The following NCOA3 variants were observed in gnomAD, a reference collection of about 807,000 sequenced individuals.
The protein encoded by NCOA3 is nuclear receptor coactivator 3.
In NCOA3, 51 loss-of-function variants were observed where a neutral mutation model predicts 158.8. The observed-to-expected ratio is 0.32, with a 90% confidence interval of 0.26 to 0.41. The LOEUF (loss-of-function observed/expected upper bound fraction) is 0.41. Ranked by LOEUF, NCOA3 falls within the 10% of genes least tolerant of loss-of-function variation. NCOA3 has a pLI of 1.00. For missense variants in NCOA3, 1,510 were observed against 1,746.6 expected (o/e 0.86, Z 2.41); for synonymous variants, 537 against 592.4 (o/e 0.91, Z 1.36).
intron 1 of NCOA3, among the ~76,000 whole-genome samples, chr20:47,517,753 T>TAGAGGATTTTTAAAGC (rs2084259841): frequency 6.6e-6 from 1 of 152,086 alleles, no homozygotes; most frequent in Admixed American, 6.6e-5. Flanking sequence ...GCCTGGCCAA[T>TAGAGGATTTTTAAAGC]TACATTTATT....
chr20:47,557,061 G>C (rs1207524947), intron 1 of NCOA3, among the ~76,000 whole-genome samples: 1 of 152,130 alleles, frequency 6.6e-6, no homozygotes, highest in East Asian at 1.9e-4. Flanking sequence ...GCTATTTGCT[G>C]TTAAAACAGT....
intron 8 of NCOA3, 32 bp downstream of exon 8, chr20:47,628,055 CTG>C: frequency 1.4e-6 from 2 of 1,400,648 alleles, no homozygotes; most frequent in Non-Finnish European, 1.0e-6. Flanking sequence ...CTCTCTCTCT[CTG>C]TGTATACGTA....
intron 1 of NCOA3, among the ~76,000 whole-genome samples, chr20:47,573,980 G>T (rs2085335756): frequency 1.3e-5 from 2 of 150,538 alleles, no homozygotes. Flanking sequence ...CAAGGGGTCA[G>T]TTTGTTTGAA....
intron 2 of NCOA3, among the ~76,000 whole-genome samples, chr20:47,585,822 A>G (rs951955265): frequency 4.6e-5 from 7 of 152,066 alleles, no homozygotes; most frequent in African/African-American, 1.7e-4. Context: ...CTGAGAATCT[A>G]TCCAAGTTAC....
intron 4 of NCOA3, 97 bp from the exon 5 acceptor site, chr20:47,625,284 C>T (rs2086303970): frequency 2.7e-6 from 2 of 741,710 alleles, no homozygotes; most frequent in Non-Finnish European, 4.7e-6. Context: ...TGGGCATGTG[C>T]ATGTGTATCT....
intron 1 of NCOA3, among the ~76,000 whole-genome samples, chr20:47,564,695 T>C (rs2085164186): frequency 6.6e-6 from 1 of 152,198 alleles, no homozygotes; most frequent in African/African-American, 2.4e-5. Context: ...CTAAAGGATA[T>C]ATGCATTTAA....
intron 1 of NCOA3, among the ~76,000 whole-genome samples, chr20:47,532,702 A>T (rs1297817187): frequency 6.6e-6 from 1 of 151,968 alleles, no homozygotes; most frequent in Non-Finnish European, 1.5e-5. Context: ...TGAACTCCTG[A>T]CATGAAGCAA....
chr20:47,619,727 T>C (rs556204099), intron 2 of NCOA3, among the ~76,000 whole-genome samples: 10 of 149,880 alleles, frequency 6.7e-5, no homozygotes, highest in Non-Finnish European at 1.2e-4. Context: ...GAAACAAATA[T>C]AAAACCAATT....
In NCOA3 at chr20:47,622,344, T is replaced by C. The variant is rs1371070913; in HGVS notation, c.83+14T>C. The C allele has an allele frequency of 1.3e-6, 2 of 1,529,994 alleles. No homozygotes were observed. The highest frequency in any genetic ancestry group is 1.7e-4 in the Middle Eastern group (1 of 5,914). The allele number at this position is 1,529,994 out of a possible 1,614,324, so 94.8% of individuals were successfully genotyped here. ...TCCAGGACAAGGGTAGGTGACTTAT[T>C]TCCTGGTGCTTTACCACACTTGTTG... On this transcript the variant is annotated intron_variant, in intron 3 of 22. Transcript: ENST00000371998.
At chr20:47,528,114 A>G (rs1208866352) in intron 1 of NCOA3, among the ~76,000 whole-genome samples, 1 of 152,168 alleles carries the variant, frequency 6.6e-6, no homozygotes, top group East Asian at 1.9e-4. Flanking sequence ...CTCTGTAGTA[A>G]TGCTCCATTT....
At chr20:47,573,687 A>G (rs1433869520) in intron 1 of NCOA3, among the ~76,000 whole-genome samples, 2 of 152,232 alleles carry the variant, frequency 1.3e-5, no homozygotes, top group African/African-American at 2.4e-5. Context: ...TCACTGCCCC[A>G]CAGGTGTCTT....
intron 5 of NCOA3, among the ~76,000 whole-genome samples, chr20:47,626,470 C>T (rs2086322818): frequency 1.3e-5 from 2 of 151,940 alleles, no homozygotes; most frequent in African/African-American, 4.8e-5. Flanking sequence ...TATTTATGTA[C>T]ACACTCCCCC....
intron 2 of NCOA3, among the ~76,000 whole-genome samples, chr20:47,597,571 C>G (rs977664946): frequency 2.0e-5 from 3 of 151,520 alleles, no homozygotes; most frequent in African/African-American, 7.3e-5. Context: ...TAACTGTAAC[C>G]TCTGCCTCCC....
intron 1 of NCOA3, among the ~76,000 whole-genome samples, chr20:47,503,569 A>C (rs2083978515): frequency 6.6e-6 from 1 of 152,214 alleles, no homozygotes; most frequent in South Asian, 2.1e-4. Flanking sequence ...GGATACCAAA[A>C]GCAGGGAAAT....
intron 2 of NCOA3, among the ~76,000 whole-genome samples, chr20:47,615,320 A>G (rs906273501): frequency 6.6e-6 from 1 of 152,212 alleles, no homozygotes; most frequent in African/African-American, 2.4e-5. Context: ...CCCATCTGCT[A>G]TTTTGGCACA....
intron 1 of NCOA3, among the ~76,000 whole-genome samples, chr20:47,505,003 G>GTTTTTTGTTTTTTTTTTTTTTT (rs2084004958): frequency 3.5e-5 from 1 of 28,550 alleles, no homozygotes; most frequent in African/African-American, 1.8e-4. Flanking sequence ...TGGGTTTTTG[G>GTTTTTTGTTTTTTTTTTTTTTT]TTTTTTTTTT....
Position 47,599,942 on chromosome 20 carries a change from A to G in NCOA3, c.-20+16681A>G, listed in dbSNP as rs539202782. On this transcript the variant is annotated intron_variant, in intron 2 of 22. Transcript: ENST00000371998. ...TCTTGCGCAATGCCTCCAGAAATCAATGTTTGCTCTCAAGTTTATAACTAC... is the reference window on the plus strand; with the variant it reads ...TCTTGCGCAATGCCTCCAGAAATCAGTGTTTGCTCTCAAGTTTATAACTAC... Among the ~76,000 whole-genome samples, 527 of 152,266 alleles carry G rather than the reference A, an allele frequency of 3.5e-3. 3 individuals carry two copies. Among genetic ancestry groups the G allele is most frequent in the African/African-American group, 0.012 (501 of 41,558 alleles).
intron 1 of NCOA3, among the ~76,000 whole-genome samples, chr20:47,506,063 C>T (rs1202043530): frequency 6.6e-6 from 1 of 152,148 alleles, no homozygotes; most frequent in Non-Finnish European, 1.5e-5. Context: ...CTTTGGCCTT[C>T]CAAAGTGCTG....
chr20:47,520,110 G>A (rs2084304115), intron 1 of NCOA3, among the ~76,000 whole-genome samples: 1 of 148,036 alleles, frequency 6.8e-6, no homozygotes, highest in Admixed American at 6.8e-5. Flanking sequence ...CAGGTTGTCA[G>A]TGGCCTCAGT....
Sources: allele counts gnomAD v4.1 joint callset (sites outside exome capture counted in the v4.1 genomes callset), GRCh38; gene constraint gnomAD v4.1.1; transcripts MANE v1.5; gene names NCBI Gene and HGNC (gene_info 2026-07-23, HGNC 2026-07-21).